ACYP2: variants seen among roughly 807,000 people sequenced by gnomAD.
ACYP2 encodes the protein acylphosphatase-2.
ACYP2 carries 12 observed loss-of-function variants against 11.2 expected under a neutral mutation model. That is an observed-to-expected ratio of 1.08 (90% confidence interval 0.69 to 1.74). The LOEUF (loss-of-function observed/expected upper bound fraction) is 1.74, where lower values mean the gene tolerates loss of function less well. Among genes scored for constraint, ACYP2 ranks in the 40% most tolerant of loss-of-function variants. ACYP2 has a pLI of 0.00. For missense variants in ACYP2, 134 were observed against 101.9 expected (o/e 1.31, Z -1.35); for synonymous variants, 43 against 32.2 (o/e 1.33, Z -1.13).
Position 53,973,740 on chromosome 2 carries a change from T to C in ACYP2, c.-9T>C. On this transcript the variant is annotated 5_prime_UTR_variant, in exon 2 of 7. Coordinates refer to ENST00000607452, the MANE Select transcript of ACYP2 (RefSeq NM_001320586.2). ...TCAGCCTGCCTGCACCCAGGTGAAA[T>C]AAACAGCCATGTTGCTCACACAAAG... 1 of 328,510 alleles carries C rather than the reference T, an allele frequency of 3.0e-6. No homozygotes were observed. The allele number at this position is 328,510 out of a possible 1,614,324, so 20.3% of individuals were successfully genotyped here.
intron 4 of ACYP2, among the ~76,000 whole-genome samples, chr2:54,112,821 A>T (rs559411679): frequency 1.3e-5 from 2 of 152,376 alleles, no homozygotes; most frequent in African/African-American, 4.8e-5. Context: ...TGCTAATGTT[A>T]GACTGCTGGC....
chr2:54,138,208 A>G (rs1399195968), intron 5 of ACYP2, among the ~76,000 whole-genome samples: 3 of 152,174 alleles, frequency 2.0e-5, no homozygotes, highest in Non-Finnish European at 4.4e-5. Context: ...CTGCTTATCA[A>G]TACTCTATGT....
chr2:54,082,390 C>T (rs568268617), intron 4 of ACYP2, among the ~76,000 whole-genome samples: 11 of 151,962 alleles, frequency 7.2e-5, no homozygotes, highest in Admixed American at 1.3e-4. Context: ...GGATTACAGG[C>T]GCATACTCCC....
At chr2:54,036,897 C>T (rs1047996902) in intron 2 of ACYP2, among the ~76,000 whole-genome samples, 2 of 152,134 alleles carry the variant, frequency 1.3e-5, no homozygotes, top group East Asian at 1.9e-4. Flanking sequence ...GTGGCCCCTG[C>T]GGTCTTCCCT....
chr2:54,212,861 C>G (rs1572942780), intron 6 of ACYP2, among the ~76,000 whole-genome samples: 1 of 151,170 alleles, frequency 6.6e-6, no homozygotes, highest in African/African-American at 2.4e-5. Context: ...CACCTGTAAT[C>G]TCACCATCTA....
chr2:54,229,808 A>G (rs1304149846), intron 6 of ACYP2, among the ~76,000 whole-genome samples: 1 of 152,136 alleles, frequency 6.6e-6, no homozygotes, highest in Non-Finnish European at 1.5e-5. Context: ...TTTCATTTGT[A>G]CTAAGAAGCT....
At chr2:54,293,768 T>A (rs1456055343) in intron 6 of ACYP2, among the ~76,000 whole-genome samples, 1 of 152,222 alleles carries the variant, frequency 6.6e-6, no homozygotes. Context: ...CTTAGGTTAA[T>A]TATGGATGCT....
At chr2:54,299,179 C>A (rs937270862) in intron 6 of ACYP2, among the ~76,000 whole-genome samples, 3 of 152,176 alleles carry the variant, frequency 2.0e-5, no homozygotes, top group Non-Finnish European at 4.4e-5. Flanking sequence ...CACACATAAC[C>A]AGACTCATAG....
chr2:54,138,512 A>T, intron 5 of ACYP2, 127 bp from the exon 3 acceptor site: 1 of 639,338 alleles, frequency 1.6e-6, no homozygotes, highest in Non-Finnish European at 2.7e-6. Flanking sequence ...GGTCATCTAT[A>T]CAATTGTTGG....
At chr2:54,047,592 T>C (rs574059794) in intron 2 of ACYP2, among the ~76,000 whole-genome samples, 69 of 152,268 alleles carry the variant, frequency 4.5e-4, no homozygotes, top group South Asian at 3.7e-3. Context: ...TAGAATATGG[T>C]TTGGGCTAAG....
intron 2 of ACYP2, among the ~76,000 whole-genome samples, chr2:54,021,665 A>G (rs1004478162): frequency 6.6e-6 from 1 of 152,242 alleles, no homozygotes; most frequent in Non-Finnish European, 1.5e-5. Context: ...TGACATAAAC[A>G]TATTCATTGC....
At chr2:54,277,403 G>A (rs943117388) in intron 6 of ACYP2, among the ~76,000 whole-genome samples, 1 of 152,148 alleles carries the variant, frequency 6.6e-6, no homozygotes, top group African/African-American at 2.4e-5. Flanking sequence ...AAATGGGCCG[G>A]GTGCAGTGAC....
chr2:54,288,538 C>T (rs2104135938), intron 6 of ACYP2, among the ~76,000 whole-genome samples: 1 of 152,142 alleles, frequency 6.6e-6, no homozygotes, highest in Middle Eastern at 3.4e-3. Context: ...GCATTTCCCT[C>T]AAAAGGAAAA....
intron 6 of ACYP2, among the ~76,000 whole-genome samples, chr2:54,282,602 T>G (rs1688897863): frequency 6.6e-6 from 1 of 152,220 alleles, no homozygotes; most frequent in Non-Finnish European, 1.5e-5. Context: ...TTTGTTTTTG[T>G]TCTATTGCTT....
At chr2:54,059,552 G>A (rs568061235) in intron 4 of ACYP2, among the ~76,000 whole-genome samples, 156 of 152,196 alleles carry the variant, frequency 1.0e-3, no homozygotes, top group Middle Eastern at 0.01. Context: ...CAAATGTTTC[G>A]TTAGATTTTC....
chr2:54,107,244 G>C (rs1679215234), intron 4 of ACYP2, among the ~76,000 whole-genome samples: 1 of 152,160 alleles, frequency 6.6e-6, no homozygotes, highest in Admixed American at 6.5e-5. Flanking sequence ...TGCAAACCAA[G>C]TAGATAGTAA....
chr2:54,033,620 A>C (rs1674713063), intron 2 of ACYP2, among the ~76,000 whole-genome samples: 1 of 152,076 alleles, frequency 6.6e-6, no homozygotes. Flanking sequence ...GGTGTAGACC[A>C]TGCTGAAGAC....
intron 4 of ACYP2, among the ~76,000 whole-genome samples, chr2:54,096,500 G>T (rs1678590749): frequency 6.6e-6 from 1 of 152,104 alleles, no homozygotes; most frequent in Admixed American, 6.5e-5. Flanking sequence ...GGTGGAGGTT[G>T]TAGCGAGCCA....
chr2:54,209,039 T>C (rs1233483962), intron 6 of ACYP2, among the ~76,000 whole-genome samples: 1 of 151,992 alleles, frequency 6.6e-6, no homozygotes, highest in East Asian at 1.9e-4. Context: ...TACAGATGTA[T>C]TTCATCAGTT....
Sources: gnomAD v4.1 joint callset for allele counts (sites outside exome capture counted in the v4.1 genomes callset) on GRCh38, gnomAD v4.1.1 for gene constraint, MANE v1.5 for transcripts, NCBI Gene and HGNC (gene_info 2026-07-23, HGNC 2026-07-21) for gene names.